The following KCNH1 variants were observed in gnomAD, a reference collection of about 807,000 sequenced individuals.
The protein encoded by KCNH1 is potassium voltage-gated channel subfamily H member 1.
In KCNH1, 27 loss-of-function variants were observed where a neutral mutation model predicts 69.2. That is an observed-to-expected ratio of 0.39 (90% CI 0.29 to 0.54). The LOEUF (loss-of-function observed/expected upper bound fraction) is 0.54. KCNH1 is among the 20% of genes least tolerant of loss of function. KCNH1 has a pLI of 0.68. For missense variants in KCNH1, 798 were observed against 1,261.6 expected (o/e 0.63, Z 5.57); for synonymous variants, 456 against 487.7 (o/e 0.93, Z 0.86).
intron 5 of KCNH1, among the ~76,000 whole-genome samples, chr1:211,047,920 A>G (rs1260343328): frequency 1.3e-5 from 2 of 152,212 alleles, no homozygotes; most frequent in South Asian, 2.1e-4. Context: ...TCAGAAGAGA[A>G]TATACAAATG....
intron 5 of KCNH1, among the ~76,000 whole-genome samples, chr1:211,025,254 G>A (rs538984581): frequency 3.7e-4 from 57 of 152,284 alleles, no homozygotes; most frequent in Non-Finnish European, 7.5e-4. Flanking sequence ...GTTACCCCTA[G>A]AGGTTGAAGA....
At chr1:210,763,659 A>C (rs1278495334) in intron 10 of KCNH1, among the ~76,000 whole-genome samples, 2 of 152,068 alleles carry the variant, frequency 1.3e-5, no homozygotes, top group African/African-American at 4.8e-5. Context: ...CATCTAACCA[A>C]GCAAGTAAAA....
chr1:211,045,434 A>G (rs754329575), intron 5 of KCNH1, among the ~76,000 whole-genome samples: 40 of 151,428 alleles, frequency 2.6e-4, no homozygotes, highest in Middle Eastern at 3.4e-3. Flanking sequence ...AATTAAAAAG[A>G]AAAAAAGAAT....
At chr1:210,730,661 C>T (rs1015720705) in intron 10 of KCNH1, among the ~76,000 whole-genome samples, 9 of 152,018 alleles carry the variant, frequency 5.9e-5, no homozygotes, top group African/African-American at 1.7e-4. Flanking sequence ...GGAGTCTGAG[C>T]GCACGGGAGG....
At position 211,088,276 on chromosome 1, in the gene KCNH1, C is replaced by T. The variant is rs563037307; in HGVS notation, c.439+2286G>A. ...GCCTAAGTCAGCAAGACTCTTACGA[C>T]TCTTAATGGTAACTGAGGTGCTGTA... On this transcript the variant is annotated intron_variant, in intron 4 of 10. Coordinates refer to ENST00000271751, the MANE Select transcript of KCNH1 (RefSeq NM_172362.3). Among the ~76,000 whole-genome samples, 14 of 152,264 alleles carry T rather than the reference C, an allele frequency of 9.2e-5. No homozygotes were observed. In the South Asian group the frequency reaches 2.7e-3, roughly 29 times the overall value.
At chr1:210,733,413 G>GC (rs1682793320) in intron 10 of KCNH1, among the ~76,000 whole-genome samples, 2 of 152,156 alleles carry the variant, frequency 1.3e-5, no homozygotes, top group African/African-American at 2.4e-5. Context: ...GGAATTCTAA[G>GC]CCCCCAGGAA....
intron 6 of KCNH1, among the ~76,000 whole-genome samples, chr1:210,942,532 CTA>C (rs756936808): frequency 1.3e-4 from 20 of 152,182 alleles, no homozygotes; most frequent in Admixed American, 3.9e-4. Flanking sequence ...AGCGGAGAAA[CTA>C]TTTCTCCACA....
chr1:211,112,521 A>C (rs1358517908), intron 1 of KCNH1, among the ~76,000 whole-genome samples: 1 of 148,156 alleles, frequency 6.7e-6, no homozygotes, highest in African/African-American at 2.5e-5. Flanking sequence ...AAAAAAAAAA[A>C]AACAAGCCCA....
chr1:210,748,037 AC>A (rs1039405219), intron 10 of KCNH1, among the ~76,000 whole-genome samples: 10 of 152,246 alleles, frequency 6.6e-5, no homozygotes, highest in African/African-American at 2.4e-4. Context: ...ACTGCCAGCC[AC>A]GTGCCTTGGC....
rs1302606268 is a variant in KCNH1 at position 210,681,823 on chromosome 1, G to T, written c.*1458C>A. ...TTCTAACCTTGCGTGTCAGTATTTG[G>T]GGTCCTGACACCTCTCTCTAGGGCA... On this transcript the variant is annotated 3_prime_UTR_variant, in exon 11 of 11. Coordinates refer to ENST00000271751, the MANE Select transcript of KCNH1 (RefSeq NM_172362.3). 6 of 152,166 alleles carry T rather than the reference G, an allele frequency of 3.9e-5. No individual in the cohort carries two copies. The highest frequency in any genetic ancestry group is 8.8e-5 in the Non-Finnish European group (6 of 68,068). The allele number at this position is 152,166 out of a possible 1,614,324, so 9.4% of individuals were successfully genotyped here. A position where few individuals can be genotyped will look rare whatever the true frequency, so the allele number is the denominator to read the frequency against.
chr1:211,082,628 A>G lies in KCNH1; in HGVS notation c.558+152T>C, dbSNP rs1190199950. ...AAAGGAGTTAGGTCACTTACCCAGT[A>G]TCATACACTGTGGTGTGTAAGCCCA... On this transcript the variant is annotated intron_variant, in intron 5 of 10. Transcript: ENST00000271751. The G allele has an allele frequency of 7.5e-6, 5 of 668,552 alleles. No homozygotes were observed. In the East Asian group the frequency reaches 1.0e-4, roughly 14 times the overall value. The allele number at this position is 668,552 out of a possible 1,614,324, so 41.4% of individuals were successfully genotyped here. A position where few individuals can be genotyped will look rare whatever the true frequency, so the allele number is the denominator to read the frequency against.
chr1:210,868,048 T>A (rs1686153282), intron 7 of KCNH1, among the ~76,000 whole-genome samples: 1 of 152,060 alleles, frequency 6.6e-6, no homozygotes. Context: ...CTAGGTCTTA[T>A]AAGTGTATGC....
At chr1:210,740,731 T>TTTTTTTTG (rs1558449289) in intron 10 of KCNH1, among the ~76,000 whole-genome samples, 3 of 119,500 alleles carry the variant, frequency 2.5e-5, no homozygotes, top group African/African-American at 1.1e-4. Flanking sequence ...TTTTTTTTTT[T>TTTTTTTTG]TACTAAAAGA....
intron 5 of KCNH1, among the ~76,000 whole-genome samples, chr1:211,050,738 T>C (rs932923798): frequency 2.6e-5 from 4 of 152,192 alleles, no homozygotes; most frequent in African/African-American, 7.2e-5. Context: ...GCTATCATAA[T>C]CAAGTCAGTC....
intron 7 of KCNH1, chr1:210,918,916 A>G (rs2102560255): frequency 6.6e-6 from 1 of 152,354 alleles, no homozygotes; most frequent in Admixed American, 6.5e-5. Flanking sequence ...TTCAATATAT[A>G]ATCAATATAA....
chr1:210,748,180 C>T (rs1053713589), intron 10 of KCNH1, among the ~76,000 whole-genome samples: 1 of 152,160 alleles, frequency 6.6e-6, no homozygotes. Flanking sequence ...TCCACGTGCT[C>T]CTGTGTCCAG....
intron 5 of KCNH1, among the ~76,000 whole-genome samples, chr1:211,026,528 C>T (rs1170187890): frequency 6.6e-6 from 1 of 152,172 alleles, no homozygotes; most frequent in African/African-American, 2.4e-5. Context: ...TGTGCCCCCA[C>T]CCCGCCTCAG....
At chr1:210,929,930 G>C (rs1687648071) in intron 6 of KCNH1, among the ~76,000 whole-genome samples, 1 of 122,422 alleles carries the variant, frequency 8.2e-6, no homozygotes, top group Non-Finnish European at 1.9e-5. Flanking sequence ...TTTCACAATA[G>C]CTGCAAAAAA....
chr1:211,063,764 G>A (rs1315140871), intron 5 of KCNH1: 1 of 145,512 alleles, frequency 6.9e-6, no homozygotes, highest in African/African-American at 2.5e-5. Context: ...AAAGAGAGAT[G>A]GTTAATGGGT....
Sources: allele counts gnomAD v4.1 joint callset (sites outside exome capture counted in the v4.1 genomes callset), GRCh38; gene constraint gnomAD v4.1.1; transcripts MANE v1.5; gene names NCBI Gene and HGNC (gene_info 2026-07-23, HGNC 2026-07-21).